The following B2M variants were observed in gnomAD, a reference collection of about 807,000 sequenced individuals.
B2M encodes beta-2-microglobulin.
In B2M, 3 loss-of-function variants were observed where a neutral mutation model predicts 14.5. That is an observed-to-expected ratio of 0.21 (90% CI 0.09 to 0.53). The LOEUF (loss-of-function observed/expected upper bound fraction) is 0.53. B2M is among the 20% of genes least tolerant of loss of function. B2M has a pLI of 0.95. For synonymous variants in B2M, 45 were observed against 52.7 expected, an observed-to-expected ratio of 0.85 and a Z score of 0.64; for missense variants, 107 against 140.8, an observed-to-expected ratio of 0.76 and a Z score of 1.21.
At chr15:44,714,893 CAA>C in intron 1 of B2M, 1 of 201,290 alleles carries the variant, frequency 5.0e-6, no homozygotes, top group Non-Finnish European at 1.0e-5. Context: ...GGGTGTAGAT[CAA>C]GGCAGGAGCA....
Position 44,715,651 on chromosome 15 carries a change from C to T in B2M, c.296C>T (p.Ala99Val), listed in dbSNP as rs2141289105. 1 of 1,614,150 alleles carries T rather than the reference C, an allele frequency of 6.2e-7. No homozygotes were observed. Among genetic ancestry groups the T allele is most frequent in the Non-Finnish European group, 8.5e-7 (1 of 1,180,012 alleles). Residue 99 changes from alanine to valine, a missense_variant, in exon 2 of 4, where the codon GCC (alanine) becomes GTC (valine). Physicochemically the swap from Ala to Val is moderately conservative, Grantham distance 64. Coordinates refer to ENST00000648006, the MANE Select transcript of B2M (RefSeq NM_004048.4). Reference protein sequence around the residue: ...EFTPTEKDEYACRVNHVTLSQ... With the variant: ...EFTPTEKDEYVCRVNHVTLSQ... ...ACCCCCACTGAAAAAGATGAGTATGCCTGCCGTGTGAACCATGTGACTTTG... is the reference window on the plus strand; with the variant it reads ...ACCCCCACTGAAAAAGATGAGTATGTCTGCCGTGTGAACCATGTGACTTTG...
intron 1 of B2M, chr15:44,714,917 G>T: frequency 9.2e-6 from 1 of 109,084 alleles, no homozygotes; most frequent in South Asian, 2.6e-4. Flanking sequence ...GAACCAAAAA[G>T]AAAGGCATAA....
Position 44,711,755 on chromosome 15 carries a change from A to C in B2M, c.67+142A>C. On this transcript the variant is annotated intron_variant, in intron 1 of 3. Transcript: ENST00000648006. ...CGCCGTGGGGCTAGTCCAGGGCTGGATCTCGGGGAAGCGGCGGGGTGGCCT... is the reference window on the plus strand; with the variant it reads ...CGCCGTGGGGCTAGTCCAGGGCTGGCTCTCGGGGAAGCGGCGGGGTGGCCT... 7 of 1,131,132 alleles carry C rather than the reference A, an allele frequency of 6.2e-6. No individual in the cohort carries two copies. In the South Asian group the frequency reaches 9.1e-5, roughly 15 times the overall value. 70.1% of individuals were successfully genotyped at this position (1,131,132 alleles called of 1,614,324 possible). A position where few individuals can be genotyped will look rare whatever the true frequency, so the allele number is the denominator to read the frequency against.
intron 1 of B2M, among the ~76,000 whole-genome samples, chr15:44,712,356 T>C (rs771615126): frequency 6.6e-6 from 1 of 152,252 alleles, no homozygotes; most frequent in Non-Finnish European, 1.5e-5. Context: ...TTGCGTCATT[T>C]AATTTTGAAA....
rs1438903959 is a variant in B2M at position 44,714,739 on chromosome 15, A to C, written c.68-684A>C. The C allele has an allele frequency of 5.9e-5, 9 of 152,836 alleles. No individual in the cohort carries two copies. In the East Asian group the frequency reaches 1.7e-3, roughly 29 times the overall value. The allele number at this position is 152,836 out of a possible 1,614,324, so 9.5% of individuals were successfully genotyped here. A position where few individuals can be genotyped will look rare whatever the true frequency, so the allele number is the denominator to read the frequency against. ...GGGCAATGGAATGAGATTCCATCCCAAAAAATAAAAAAATAAAAAAATAAA... is the reference window on the plus strand; with the variant it reads ...GGGCAATGGAATGAGATTCCATCCCCAAAAATAAAAAAATAAAAAAATAAA... On this transcript the variant is annotated intron_variant, in intron 1 of 3. Transcript: ENST00000648006.
At chr15:44,715,952 G>GC (rs1368294851) in intron 2 of B2M, 3 of 624,444 alleles carry the variant, frequency 4.8e-6, no homozygotes, top group Non-Finnish European at 8.5e-6. Flanking sequence ...GCAGGGAGCA[G>GC]CAGCAGCACT....
At chr15:44,715,331 A>C in intron 1 of B2M, 92 bp from the exon 2 acceptor site, 1 of 1,425,764 alleles carries the variant, frequency 7.0e-7, no homozygotes, top group Non-Finnish European at 9.8e-7. Context: ...GACCAAATGT[A>C]AACACTTGGT....
chr15:44,712,426 A>C (rs1460679700), intron 1 of B2M, among the ~76,000 whole-genome samples: 1 of 152,244 alleles, frequency 6.6e-6, no homozygotes, highest in African/African-American at 2.4e-5. Flanking sequence ...ACAGATGAAG[A>C]AACTAAGGCA....
chr15:44,716,376 A>G lies in B2M; in HGVS notation c.*14+20A>G. 1.2e-6 allele frequency: 2 copies of G among 1,600,544 alleles called. No individual in the cohort carries two copies. Among genetic ancestry groups the G allele is most frequent in the East Asian group, 2.2e-5 (1 of 44,822 alleles). On this transcript the variant is annotated intron_variant, in intron 3 of 3. Coordinates refer to ENST00000648006, the MANE Select transcript of B2M (RefSeq NM_004048.4). The stretch of plus-strand genomic sequence containing the variant: ...ATGGAGGTAAGTTTTTGACCTTGAG[A>G]AAATGTTTTTGTTTCACTGTCCTGA...
intron 3 of B2M, chr15:44,717,332 A>T (rs563815321): frequency 1.3e-5 from 2 of 152,318 alleles, no homozygotes; most frequent in East Asian, 3.9e-4. Context: ...TAGAAGTTGC[A>T]GTAAAAATAT....
At chr15:44,715,105 A>C in intron 1 of B2M, 1 of 441,226 alleles carries the variant, frequency 2.3e-6, no homozygotes, top group Non-Finnish European at 4.2e-6. Context: ...GAAGTCCTTG[A>C]GAGCCTCCAG....
chr15:44,716,209 A>G, intron 2 of B2M, 120 bp from the exon 3 acceptor site: 1 of 1,171,960 alleles, frequency 8.5e-7, no homozygotes, highest in Non-Finnish European at 1.3e-6. Flanking sequence ...ATTCATGGGT[A>G]GGAACAGCAG....
chr15:44,711,638 C>A, intron 1 of B2M, 25 bp downstream of exon 1: 1 of 1,602,040 alleles, frequency 6.2e-7, no homozygotes, highest in Non-Finnish European at 8.5e-7. Context: ...CCCTCCCGCT[C>A]TGGTCCTTCC....
At chr15:44,712,498 A>C (rs769755478) in intron 1 of B2M, among the ~76,000 whole-genome samples, 2 of 152,224 alleles carry the variant, frequency 1.3e-5, no homozygotes, top group South Asian at 4.1e-4. Context: ...ATTGAAGTCA[A>C]GCCTAACCAG....
chr15:44,716,148 T>A, intron 2 of B2M, 181 bp from the exon 3 acceptor site: 1 of 686,054 alleles, frequency 1.5e-6, no homozygotes, highest in South Asian at 1.8e-5. Flanking sequence ...TGGATTGGTA[T>A]CTGAGGCTAG....
intron 1 of B2M, chr15:44,712,134 GC>G (rs1407511929): frequency 3.8e-6 from 1 of 264,440 alleles, no homozygotes; most frequent in Non-Finnish European, 7.5e-6. Flanking sequence ...TCGTCTAGGC[GC>G]CCGCTAAGTT....
intron 1 of B2M, chr15:44,714,035 C>T (rs1026852735): frequency 1.3e-5 from 2 of 152,184 alleles, no homozygotes; most frequent in Admixed American, 6.5e-5. Context: ...ACTAACACTT[C>T]TCTTCATTTT....
intron 1 of B2M, 33 bp from the exon 2 acceptor site, chr15:44,715,390 A>G: frequency 6.2e-7 from 1 of 1,604,944 alleles, no homozygotes; most frequent in South Asian, 1.1e-5. Context: ...ATACCCTGGC[A>G]ATATTAATGT....
chr15:44,716,734 ATTC>A (rs753096159), intron 3 of B2M: 145 of 275,148 alleles, frequency 5.3e-4, no homozygotes, highest in Non-Finnish European at 9.1e-4. Context: ...ATGTTGTTTT[ATTC>A]TTCAGACAGA....
Sources: allele counts gnomAD v4.1 joint callset (sites outside exome capture counted in the v4.1 genomes callset), GRCh38; gene constraint gnomAD v4.1.1; transcripts MANE v1.5; gene names NCBI Gene and HGNC (gene_info 2026-07-23, HGNC 2026-07-21).